YEATS4: variants seen among roughly 807,000 people sequenced by gnomAD.
YEATS4 encodes the protein YEATS domain containing 4.
Under a neutral mutation model 30.1 loss-of-function variants are expected in YEATS4, and 17 were observed. The ratio of observed to expected loss-of-function variants is 0.56; its 90% CI spans 0.39 to 0.85. The LOEUF is 0.85. YEATS4 is among the 40% of genes least tolerant of loss of function. The pLI is 0.00. For missense variants in YEATS4, 142 were observed against 268.3 expected (o/e 0.53, Z 3.29); for synonymous variants, 85 against 87.5 (o/e 0.97, Z 0.16).
At chr12:69,404,897 A>T in the YEATS4 span, among the ~76,000 whole-genome samples, 1 of 152,204 alleles carries the variant, frequency 6.6e-6, no homozygotes, top group African/African-American at 2.4e-5. Flanking sequence ...GTCTCCTGGG[A>T]TTATCTTCAG....
chr12:69,401,549 A>G, the YEATS4 span, among the ~76,000 whole-genome samples: 1 of 152,190 alleles, frequency 6.6e-6, no homozygotes, highest in African/African-American at 2.4e-5. Context: ...GAGTCCTGGA[A>G]GGACATGCCC....
At chr12:69,394,103 A>G (rs1229319695), downstream of YEATS4, among the ~76,000 whole-genome samples, 1 of 152,230 alleles carries the variant, frequency 6.6e-6, no homozygotes, top group African/African-American at 2.4e-5. Flanking sequence ...GGAAAGGAGA[A>G]AGAAAACCCC....
the YEATS4 span, among the ~76,000 whole-genome samples, chr12:69,402,437 T>C: frequency 6.6e-6 from 1 of 152,182 alleles, no homozygotes; most frequent in Non-Finnish European, 1.5e-5. Flanking sequence ...TGACCATAAC[T>C]AAGCTATTTT....
At chr12:69,391,797 T>C (rs1009893532), downstream of YEATS4, among the ~76,000 whole-genome samples, 3 of 152,182 alleles carry the variant, frequency 2.0e-5, no homozygotes, top group Non-Finnish European at 2.9e-5. Flanking sequence ...GAAAATAACA[T>C]GAGGGAAAAG....
chr12:69,424,947 TTTGC>T, the YEATS4 span, among the ~76,000 whole-genome samples: 1 of 152,216 alleles, frequency 6.6e-6, no homozygotes, highest in South Asian at 2.1e-4. Context: ...GAGACGGAGT[TTTGC>T]TCTTGTTGCC....
chr12:69,361,801 A>G (rs942072247), intron 1 of YEATS4, among the ~76,000 whole-genome samples: 1 of 152,224 alleles, frequency 6.6e-6, no homozygotes, highest in Non-Finnish European at 1.5e-5. Context: ...TATCAGATAT[A>G]AGAAATATGT....
At position 69,376,298 on chromosome 12, in the gene YEATS4, G is replaced by A. The variant is rs180944644; in HGVS notation, c.514+5323G>A. ...GGAGAATTGCTTGAACCTGGGAGGCGGAGGTTGCAATGAGCCGAGATTGTG... is the reference window on the plus strand; with the variant it reads ...GGAGAATTGCTTGAACCTGGGAGGCAGAGGTTGCAATGAGCCGAGATTGTG... On this transcript the variant is annotated intron_variant, in intron 6 of 6. Transcript: ENST00000247843. 4.6e-5 allele frequency among the ~76,000 whole-genome samples: 7 copies of A among 152,262 alleles called. No individual in the cohort carries two copies. In the South Asian group the frequency reaches 8.3e-4, roughly 18 times the overall value.
At chr12:69,402,982 C>G in the YEATS4 span, among the ~76,000 whole-genome samples, 1 of 151,934 alleles carries the variant, frequency 6.6e-6, no homozygotes, top group African/African-American at 2.4e-5. Flanking sequence ...CTCAGCCTCC[C>G]AAAGTGCTGG....
At chr12:69,365,172 A>G (rs2120910902) in intron 2 of YEATS4, among the ~76,000 whole-genome samples, 1 of 152,226 alleles carries the variant, frequency 6.6e-6, no homozygotes, top group Admixed American at 6.5e-5. Context: ...AAAATAGGCC[A>G]GGTGCGGTGG....
the YEATS4 span, among the ~76,000 whole-genome samples, chr12:69,418,308 G>A: frequency 2.0e-5 from 3 of 152,010 alleles, no homozygotes; most frequent in South Asian, 4.1e-4. Context: ...AAAAATTAGC[G>A]GGGTAGGATG....
chr12:69,398,934 A>T, the YEATS4 span, among the ~76,000 whole-genome samples: 2 of 152,012 alleles, frequency 1.3e-5, no homozygotes, highest in Admixed American at 1.3e-4. Flanking sequence ...GTGGATCATG[A>T]GGTCAGGAGA....
chr12:69,364,702 C>T (rs996458149), intron 2 of YEATS4, among the ~76,000 whole-genome samples: 5 of 152,126 alleles, frequency 3.3e-5, no homozygotes, highest in African/African-American at 9.7e-5. Flanking sequence ...TTATTGCAAC[C>T]TCCGCCTCCT....
intron 4 of YEATS4, among the ~76,000 whole-genome samples, chr12:69,370,338 C>T (rs1295098805): frequency 1.3e-5 from 2 of 152,178 alleles, no homozygotes; most frequent in Non-Finnish European, 2.9e-5. Flanking sequence ...AATTTGTAAA[C>T]TCTAATCTTC....
chr12:69,361,822 A>C (rs1565673613), intron 1 of YEATS4, among the ~76,000 whole-genome samples: 1 of 152,238 alleles, frequency 6.6e-6, no homozygotes, highest in African/African-American at 2.4e-5. Context: ...ATGTTAAACT[A>C]AGGACAAATG....
At chr12:69,425,846 A>G in the YEATS4 span, among the ~76,000 whole-genome samples, 1 of 152,182 alleles carries the variant, frequency 6.6e-6, no homozygotes, top group South Asian at 2.1e-4. Flanking sequence ...ATGAAGCTGT[A>G]GCCCGCTTCC....
At chr12:69,377,979 C>T (rs1592855206) in intron 6 of YEATS4, among the ~76,000 whole-genome samples, 1 of 152,172 alleles carries the variant, frequency 6.6e-6, no homozygotes, top group Non-Finnish European at 1.5e-5. Flanking sequence ...TGGGGTCTAT[C>T]TCTCTTAAAC....
chr12:69,401,667 G>T, the YEATS4 span, among the ~76,000 whole-genome samples: 1,589 of 152,238 alleles, frequency 0.01, 33 homozygotes, highest in African/African-American at 0.036. Context: ...CCTCCTGTTG[G>T]GCAGAGCTGG....
chr12:69,362,504 G>GT (rs769803982), intron 1 of YEATS4, among the ~76,000 whole-genome samples: 2 of 152,278 alleles, frequency 1.3e-5, no homozygotes, highest in Non-Finnish European at 2.9e-5. Flanking sequence ...GCTTTCAGGT[G>GT]TTTAAGAAAA....
At position 69,390,432 on chromosome 12, in the gene YEATS4, G is replaced by A. The variant is rs905872648; in HGVS notation, c.*116G>A. The A allele has an allele frequency of 1.2e-5, 11 of 912,968 alleles. No individual in the cohort carries two copies. The highest frequency in any genetic ancestry group is 1.7e-5 in the Non-Finnish European group (11 of 646,844). 56.6% of individuals were successfully genotyped at this position (912,968 alleles called of 1,614,324 possible). A position where few individuals can be genotyped will look rare whatever the true frequency, so the allele number is the denominator to read the frequency against. On this transcript the variant is annotated 3_prime_UTR_variant, in exon 7 of 7. Coordinates refer to ENST00000247843, the MANE Select transcript of YEATS4 (RefSeq NM_006530.4). ...TCTTAGAGGAACTTCATATACAGCT[G>A]TTGACCATGAATTTCTTAGCAATAG...
Sources: gnomAD v4.1 joint callset for allele counts (sites outside exome capture counted in the v4.1 genomes callset) on GRCh38, gnomAD v4.1.1 for gene constraint, MANE v1.5 for transcripts, NCBI Gene and HGNC (gene_info 2026-07-23, HGNC 2026-07-21) for gene names.